Variants in CTNNA3 observed in about 807,000 individuals in gnomAD.
CTNNA3 encodes catenin alpha 3, also known as catenin alpha-3.
CTNNA3 carries 76 observed loss-of-function variants against 95.7 expected under a neutral mutation model. The ratio of observed to expected loss-of-function variants is 0.79; its 90% CI spans 0.66 to 0.96. The LOEUF (loss-of-function observed/expected upper bound fraction) is 0.96, where lower values mean the gene tolerates loss of function less well. Among genes scored for constraint, CTNNA3 ranks in the 40% least tolerant of loss-of-function variants. The pLI is 0.00. For missense variants in CTNNA3, 1,191 were observed against 1,089.8 expected, an observed-to-expected ratio of 1.09 and a Z score of -1.31; for synonymous variants, 431 against 374.4, an observed-to-expected ratio of 1.15 and a Z score of -1.74.
chr10:67,266,859 A>C, intron 5 of CTNNA3, among the ~76,000 whole-genome samples: 1 of 152,354 alleles, frequency 6.6e-6, no homozygotes, highest in Admixed American at 6.5e-5. Flanking sequence ...TGGATATGTT[A>C]ATTAATTTGA....
At chr10:67,058,185 T>A (rs1855553276) in intron 7 of CTNNA3, among the ~76,000 whole-genome samples, 1 of 152,170 alleles carries the variant, frequency 6.6e-6, no homozygotes, top group Non-Finnish European at 1.5e-5. Flanking sequence ...GTGATCACAT[T>A]TCTAATCACA....
chr10:66,279,775 T>G (rs749150735), intron 13 of CTNNA3, among the ~76,000 whole-genome samples: 1 of 152,098 alleles, frequency 6.6e-6, no homozygotes, highest in Non-Finnish European at 1.5e-5. Context: ...GTGAATCCAC[T>G]TAAGGTATCT....
At chr10:67,523,633 A>G (rs1262798644) in intron 4 of CTNNA3, among the ~76,000 whole-genome samples, 1 of 152,214 alleles carries the variant, frequency 6.6e-6, no homozygotes, top group Non-Finnish European at 1.5e-5. Context: ...ACCACGTAGA[A>G]GACGTAAGAC....
At chr10:67,336,833 A>C (rs74478323) in intron 5 of CTNNA3, among the ~76,000 whole-genome samples, 1,673 of 152,304 alleles carry the variant, frequency 0.011, 26 homozygotes, top group African/African-American at 0.034. Context: ...AGATGACAGC[A>C]CATTTGTTTA....
chr10:67,713,484 C>T (rs932469693), intron 1 of CTNNA3, among the ~76,000 whole-genome samples: 1 of 152,178 alleles, frequency 6.6e-6, no homozygotes, highest in Admixed American at 6.5e-5. Flanking sequence ...CACATGCACA[C>T]ATATGTTTAT....
At chr10:66,472,350 T>C (rs1839167291) in intron 11 of CTNNA3, among the ~76,000 whole-genome samples, 1 of 151,924 alleles carries the variant, frequency 6.6e-6, no homozygotes, top group African/African-American at 2.4e-5. Flanking sequence ...GAACATTCTG[T>C]ATTATCCTAT....
At chr10:66,463,623 A>T (rs1468246949) in intron 11 of CTNNA3, among the ~76,000 whole-genome samples, 1 of 152,150 alleles carries the variant, frequency 6.6e-6, no homozygotes, top group Non-Finnish European at 1.5e-5. Flanking sequence ...AAAAACAATA[A>T]TATATGAAAA....
intron 5 of CTNNA3, among the ~76,000 whole-genome samples, chr10:67,457,984 A>G (rs1453569412): frequency 1.3e-5 from 2 of 152,112 alleles, no homozygotes; most frequent in African/African-American, 4.8e-5. Flanking sequence ...TATTTATAGT[A>G]CAGAATTAGA....
intron 14 of CTNNA3, among the ~76,000 whole-genome samples, chr10:66,073,853 G>T (rs2080492353): frequency 6.6e-6 from 1 of 151,914 alleles, no homozygotes; most frequent in Non-Finnish European, 1.5e-5. Context: ...CATTATATTT[G>T]TTTGATTAAA....
intron 10 of CTNNA3, among the ~76,000 whole-genome samples, chr10:66,542,260 G>C (rs1283176169): frequency 1.3e-5 from 2 of 151,950 alleles, no homozygotes; most frequent in African/African-American, 2.4e-5. Flanking sequence ...AGAGGATGTG[G>C]AGAAATAGGA....
intron 2 of CTNNA3, among the ~76,000 whole-genome samples, chr10:67,635,006 T>A (rs535779061): frequency 1.3e-5 from 2 of 151,918 alleles, no homozygotes; most frequent in Non-Finnish European, 2.9e-5. Flanking sequence ...ACAGAATATA[T>A]ATTCTTCTCA....
chr10:67,262,653 C>T (rs2047116885), intron 5 of CTNNA3, among the ~76,000 whole-genome samples: 1 of 152,156 alleles, frequency 6.6e-6, no homozygotes, highest in African/African-American at 2.4e-5. Context: ...CATACTCCCT[C>T]TGTGATTTCA....
intron 2 of CTNNA3, among the ~76,000 whole-genome samples, chr10:67,634,404 T>A (rs568942935): frequency 1.3e-5 from 2 of 152,082 alleles, no homozygotes; most frequent in Non-Finnish European, 2.9e-5. Flanking sequence ...GTGACACTAT[T>A]AAGCAACTAC....
intron 9 of CTNNA3, among the ~76,000 whole-genome samples, chr10:66,664,393 A>C (rs1264808648): frequency 6.6e-6 from 1 of 152,062 alleles, no homozygotes; most frequent in African/African-American, 2.4e-5. Context: ...TAATTTTAGG[A>C]AACGTTTGGA....
At chr10:66,457,810 C>T (rs764466521) in intron 11 of CTNNA3, among the ~76,000 whole-genome samples, 25 of 152,146 alleles carry the variant, frequency 1.6e-4, no homozygotes, top group Non-Finnish European at 3.4e-4. Context: ...GCTGCAGATC[C>T]AATTGCATCT....
chr10:67,701,533 T>A (rs918626887), intron 1 of CTNNA3, among the ~76,000 whole-genome samples: 14 of 152,208 alleles, frequency 9.2e-5, no homozygotes, highest in Non-Finnish European at 2.9e-5. Flanking sequence ...CTAAGCTTCA[T>A]AAGTGAAGGA....
chr10:67,389,366 C>T (rs1263397812), intron 5 of CTNNA3, among the ~76,000 whole-genome samples: 5 of 149,908 alleles, frequency 3.3e-5, no homozygotes, highest in Non-Finnish European at 7.5e-5. Flanking sequence ...GCTAACTATC[C>T]TAAATATATA....
chr10:67,296,732 A>G (rs10997608), intron 5 of CTNNA3, among the ~76,000 whole-genome samples: 30,958 of 151,636 alleles, frequency 0.2, 4,030 homozygotes, highest in South Asian at 0.38. Context: ...TCAGGAGTTC[A>G]AGACCAGCCT....
At chr10:66,507,693 G>T (rs1840499065) in intron 11 of CTNNA3, among the ~76,000 whole-genome samples, 1 of 150,740 alleles carries the variant, frequency 6.6e-6, no homozygotes, top group Non-Finnish European at 1.5e-5. Context: ...TTAAATAGCT[G>T]AACAATATTC....
Sources: allele counts gnomAD v4.1 joint callset (sites outside exome capture counted in the v4.1 genomes callset), GRCh38; gene constraint gnomAD v4.1.1; transcripts MANE v1.5; gene names NCBI Gene and HGNC (gene_info 2026-07-23, HGNC 2026-07-21).